Variants in USP4 observed in about 807,000 individuals in gnomAD.
USP4 encodes the protein ubiquitin specific peptidase 4.
USP4 carries 72 observed loss-of-function variants against 118.2 expected under a neutral mutation model. That is an observed-to-expected ratio of 0.61 (90% CI 0.50 to 0.74). The LOEUF (loss-of-function observed/expected upper bound fraction) is 0.74, where lower values mean the gene tolerates loss of function less well. Among genes scored for constraint, USP4 ranks in the 30% least tolerant of loss-of-function variants. The pLI, the probability that USP4 is intolerant of heterozygous loss-of-function variation, is 0.00. For missense variants in USP4, 1,037 were observed against 1,185.7 expected (o/e 0.87, Z 1.84); for synonymous variants, 415 against 440.4 (o/e 0.94, Z 0.72).
chr3:49,293,285 G>C (rs2047169524), intron 14 of USP4, among the ~76,000 whole-genome samples: 1 of 152,070 alleles, frequency 6.6e-6, no homozygotes, highest in Admixed American at 6.6e-5. Context: ...GGCTGAGATG[G>C]GAGTGTCACT....
intron 6 of USP4, chr3:49,317,033 T>C: frequency 1.1e-6 from 1 of 900,988 alleles, no homozygotes; most frequent in South Asian, 1.4e-5. Context: ...ACAGACTTGC[T>C]GGGGCTGAGT....
chr3:49,327,077 T>C (rs576762004), intron 3 of USP4, among the ~76,000 whole-genome samples: 10 of 152,330 alleles, frequency 6.6e-5, no homozygotes, highest in Middle Eastern at 3.4e-3. Flanking sequence ...ACATTAGCTA[T>C]ATGTCCATAT....
chr3:49,332,465 G>A (rs1461996914), intron 2 of USP4, among the ~76,000 whole-genome samples: 1 of 151,424 alleles, frequency 6.6e-6, no homozygotes, highest in Non-Finnish European at 1.5e-5. Flanking sequence ...AAAAAAAAAG[G>A]CTCTGAACCC....
intron 1 of USP4, among the ~76,000 whole-genome samples, chr3:49,337,844 G>A (rs1045814042): frequency 2.6e-5 from 4 of 151,156 alleles, no homozygotes; most frequent in Non-Finnish European, 3.0e-5. Context: ...TCAGGAGATC[G>A]AGACCATCCT....
chr3:49,317,522 G>C, intron 6 of USP4: 2 of 610,038 alleles, frequency 3.3e-6, no homozygotes, highest in Non-Finnish European at 2.9e-6. Context: ...TTTTTGTTTT[G>C]TTTTGTTTTT....
chr3:49,334,239 A>G (rs1190749757), intron 2 of USP4, among the ~76,000 whole-genome samples: 1 of 152,216 alleles, frequency 6.6e-6, no homozygotes, highest in Non-Finnish European at 1.5e-5. Context: ...AGCAAAGCAC[A>G]ATAAGCCAAA....
intron 11 of USP4, among the ~76,000 whole-genome samples, chr3:49,299,848 T>C (rs2047247249): frequency 6.6e-6 from 1 of 152,166 alleles, no homozygotes; most frequent in Non-Finnish European, 1.5e-5. Context: ...TGTGAGGGTA[T>C]ATCTGAGTAC....
Position 49,297,866 on chromosome 3 carries a change from T to C in USP4, c.1691+4A>G. On this transcript the variant is annotated splice_donor_region_variant and intron_variant, in intron 13 of 21. Transcript: ENST00000265560. ...ACCTGCAGCAGAAACTGCTGAGTAC[T>C]CACACGAAAATGTCATCCCGAGGCA... 6.2e-7 allele frequency: 1 copy of C among 1,612,816 alleles called. No homozygotes were observed. The highest frequency in any genetic ancestry group is 1.7e-5 in the Admixed American group (1 of 59,992).
chr3:49,310,580 C>T, intron 8 of USP4, 40 bp downstream of exon 8: 5 of 1,565,768 alleles, frequency 3.2e-6, no homozygotes, highest in Non-Finnish European at 4.4e-6. Flanking sequence ...ACCCAAACCT[C>T]AAGATGCTGT....
In USP4 at chr3:49,324,453, C is replaced by T. The variant is rs1420558716; in HGVS notation, c.695+249G>A. 2.0e-5 allele frequency among the ~76,000 whole-genome samples: 3 copies of T among 152,336 alleles called. No homozygotes were observed. The East Asian group carries it at 5.8e-4, about 29-fold the overall frequency. ...ACCTTAGACTTGATCCCTCATATCC[C>T]TTCCTCCTTTTCTCATTCTCCACGA... On this transcript the variant is annotated intron_variant, in intron 6 of 21. Transcript: ENST00000265560.
chr3:49,286,243 T>C lies in USP4; in HGVS notation c.2055A>G (p.Pro685=), dbSNP rs1270988571. The C allele has an allele frequency of 1.2e-6, 2 of 1,614,202 alleles. No homozygotes were observed. The highest frequency in any genetic ancestry group is 1.1e-5 in the South Asian group (1 of 91,088). The change falls in exon 16 of 22, where the codon CCA becomes CCG. Residue 685 remains proline, a synonymous_variant. Transcript: ENST00000265560. ...GGGTGGTCTCACTGGGGTCATTTCC[T>C]GGCTCATCTTCCCCACTGCCTTCTG... ...SETEGSGEDE[P]GNDPSETTQK... is the part of the protein sequence containing the mutation.
chr3:49,328,793 G>T (rs2107801603), intron 2 of USP4, among the ~76,000 whole-genome samples: 1 of 152,096 alleles, frequency 6.6e-6, no homozygotes, highest in African/African-American at 2.4e-5. Flanking sequence ...CCAGGAGGTG[G>T]AGACTGCAGT....
At chr3:49,336,482 G>A (rs1020836262) in intron 1 of USP4, among the ~76,000 whole-genome samples, 1 of 151,100 alleles carries the variant, frequency 6.6e-6, no homozygotes, top group Non-Finnish European at 1.5e-5. Flanking sequence ...TCTAAATGGA[G>A]TCTTTTCATG....
intron 6 of USP4, among the ~76,000 whole-genome samples, chr3:49,319,471 T>G (rs1315676549): frequency 6.6e-6 from 1 of 152,068 alleles, no homozygotes; most frequent in Non-Finnish European, 1.5e-5. Flanking sequence ...AGGATGGTCT[T>G]GATCTCTTGA....
intron 6 of USP4, chr3:49,318,465 A>G (rs2047464687): frequency 2.0e-6 from 2 of 985,480 alleles, no homozygotes; most frequent in South Asian, 9.4e-5. Flanking sequence ...AGGGAAAGAG[A>G]GAAACAGATG....
Position 49,298,608 on chromosome 3 carries a change from C to G in USP4, c.1540G>C (p.Ala514Pro), listed in dbSNP as rs746404183. The G allele has an allele frequency of 1.2e-6, 2 of 1,614,122 alleles. No individual in the cohort carries two copies. Among genetic ancestry groups the G allele is most frequent in the Non-Finnish European group, 1.7e-6 (2 of 1,179,994 alleles). The change falls in exon 12 of 22, where the codon GCT becomes CCT. Residue 514 changes from alanine to proline, a missense_variant. Around this residue, in one of 3 missense-constraint regions of USP4, gnomAD observed 522 missense variants for 592.6 expected, o/e 0.88. Transcript: ENST00000265560. ...AGAGCCTCGCACAGGTCGGACACAGCCCCCATCAGCGGCACAGTCACACGG... is the reference window on the plus strand; with the variant it reads ...AGAGCCTCGCACAGGTCGGACACAGGCCCCATCAGCGGCACAGTCACACGG... ...QYRVTVPLMG[A>P]VSDLCEALSR...
At chr3:49,299,821 C>T (rs2047246808) in intron 11 of USP4, among the ~76,000 whole-genome samples, 1 of 152,226 alleles carries the variant, frequency 6.6e-6, no homozygotes, top group Non-Finnish European at 1.5e-5. Context: ...ATCTTCTGTA[C>T]AGGCTGTCCT....
At chr3:49,317,273 C>T (rs1398364018) in intron 6 of USP4, 4 of 1,533,212 alleles carry the variant, frequency 2.6e-6, no homozygotes, top group Middle Eastern at 1.7e-4. Flanking sequence ...TTCTCGTTGA[C>T]GCGGGCCAGC....
intron 8 of USP4, 43 bp downstream of exon 8, chr3:49,310,577 C>T: frequency 6.4e-7 from 1 of 1,555,174 alleles, no homozygotes; most frequent in Non-Finnish European, 8.9e-7. Flanking sequence ...TCCACCCAAA[C>T]CTCAAGATGC....
Sources: gnomAD v4.1 joint callset for allele counts (sites outside exome capture counted in the v4.1 genomes callset) on GRCh38, gnomAD v4.1.1 for gene constraint, gnomAD v4.1.1 regional missense constraint, MANE v1.5 for transcripts, NCBI Gene and HGNC (gene_info 2026-07-23, HGNC 2026-07-21) for gene names.